The following MBD5 variants were observed in gnomAD, a reference collection of about 807,000 sequenced individuals.
The protein encoded by MBD5 is methyl-CpG binding domain protein 5, also known as methyl-CpG-binding domain protein 5.
Under a neutral mutation model 117.3 loss-of-function variants are expected in MBD5, and 13 were observed. The ratio of observed to expected loss-of-function variants is 0.11; its 90% CI spans 0.07 to 0.18. The LOEUF (loss-of-function observed/expected upper bound fraction) is 0.18, where lower values mean the gene tolerates loss of function less well. Among genes scored for constraint, MBD5 ranks in the 10% least tolerant of loss-of-function variants. MBD5 has a pLI of 1.00. For synonymous variants in MBD5, 727 were observed against 766.4 expected (o/e 0.95, Z 0.85); for missense variants, 1,879 against 2,093.8 (o/e 0.90, Z 2.00).
At chr2:148,265,898 C>G (rs1420830165) in intron 3 of MBD5, among the ~76,000 whole-genome samples, 1 of 150,946 alleles carries the variant, frequency 6.6e-6, no homozygotes, top group East Asian at 1.9e-4. Context: ...TGTGAGGTGG[C>G]AGGCTGGGGA....
intron 1 of MBD5, among the ~76,000 whole-genome samples, chr2:148,143,626 T>C (rs942772574): frequency 2.6e-5 from 4 of 152,114 alleles, no homozygotes; most frequent in Non-Finnish European, 4.4e-5. Context: ...CAACAGGCCC[T>C]GGTGTGTGAT....
chr2:148,382,843 T>C (rs1704197206), intron 4 of MBD5, among the ~76,000 whole-genome samples: 1 of 151,756 alleles, frequency 6.6e-6, no homozygotes, highest in Non-Finnish European at 1.5e-5. Flanking sequence ...AACAACCTGC[T>C]CCTGAATGAC....
intron 2 of MBD5, among the ~76,000 whole-genome samples, chr2:148,200,809 T>C (rs1558969805): frequency 1.3e-5 from 2 of 152,154 alleles, no homozygotes; most frequent in African/African-American, 4.8e-5. Flanking sequence ...ACTTTAAATG[T>C]AAGAACTTCT....
chr2:148,125,436 T>TA (rs1696866203), intron 1 of MBD5, among the ~76,000 whole-genome samples: 1 of 152,232 alleles, frequency 6.6e-6, no homozygotes, highest in African/African-American at 2.4e-5. Flanking sequence ...GGAATCATGG[T>TA]TAAAATCATA....
chr2:148,041,891 T>C (rs1238289866), intron 1 of MBD5, among the ~76,000 whole-genome samples: 1 of 152,178 alleles, frequency 6.6e-6, no homozygotes, highest in Non-Finnish European at 1.5e-5. Flanking sequence ...AGTCTTAACA[T>C]GGAAATATAC....
intron 1 of MBD5, among the ~76,000 whole-genome samples, chr2:148,100,939 A>T (rs552712573): frequency 6.6e-6 from 1 of 152,166 alleles, no homozygotes; most frequent in African/African-American, 2.4e-5. Context: ...ATTGATTGGC[A>T]TCTTTGTAAA....
intron 4 of MBD5, among the ~76,000 whole-genome samples, chr2:148,384,839 C>T (rs1704293278): frequency 6.6e-6 from 1 of 151,590 alleles, no homozygotes; most frequent in South Asian, 2.1e-4. Flanking sequence ...TTTGACAAAC[C>T]TGAGAAAAAC....
At chr2:148,140,012 T>C (rs977580597) in intron 1 of MBD5, among the ~76,000 whole-genome samples, 2 of 152,238 alleles carry the variant, frequency 1.3e-5, no homozygotes, top group African/African-American at 4.8e-5. Context: ...AACTGAACTT[T>C]CAGTGATACA....
At position 148,281,276 on chromosome 2, in the gene MBD5, T is replaced by C. The variant is rs367651408; in HGVS notation, c.-680+47881T>C. On this transcript the variant is annotated intron_variant, in intron 3 of 13. Coordinates refer to ENST00000642680, the MANE Select transcript of MBD5 (RefSeq NM_001378120.1). ...TTCAGTTTTCATCTCTCTGTATCTC[T>C]GTATCACATTCTCAGTGAATTGCTC... Among the ~76,000 whole-genome samples, 7 of 152,308 alleles carry C rather than the reference T, an allele frequency of 4.6e-5. No individual in the cohort carries two copies. The South Asian group carries it at 1.5e-3, about 32-fold the overall frequency.
chr2:148,356,621 G>A (rs189692968), intron 4 of MBD5, among the ~76,000 whole-genome samples: 270 of 151,990 alleles, frequency 1.8e-3, no homozygotes, highest in Admixed American at 5.0e-3. Context: ...ATTCTTCTTT[G>A]GTTATATTTT....
chr2:148,155,890 C>T (rs532699125), intron 1 of MBD5, among the ~76,000 whole-genome samples: 12 of 152,272 alleles, frequency 7.9e-5, no homozygotes, highest in Admixed American at 2.0e-4. Flanking sequence ...TTTATGAGTG[C>T]GAACTCTCCA....
intron 2 of MBD5, among the ~76,000 whole-genome samples, chr2:148,212,261 C>G (rs967400619): frequency 1.2e-4 from 18 of 152,192 alleles, no homozygotes; most frequent in African/African-American, 4.1e-4. Context: ...CTAGTCCTGG[C>G]AAACAGTAGT....
intron 4 of MBD5, among the ~76,000 whole-genome samples, chr2:148,362,341 TC>T (rs1180203968): frequency 6.6e-6 from 1 of 152,024 alleles, no homozygotes; most frequent in African/African-American, 2.4e-5. Context: ...TAGGCGATTT[TC>T]CCCTCACAGT....
intron 3 of MBD5, among the ~76,000 whole-genome samples, chr2:148,266,195 G>C (rs997821720): frequency 6.6e-6 from 1 of 152,044 alleles, no homozygotes; most frequent in Non-Finnish European, 1.5e-5. Flanking sequence ...TCCTGACCAC[G>C]TAGGCTTTAT....
At chr2:148,201,273 G>C (rs1483320051) in intron 2 of MBD5, among the ~76,000 whole-genome samples, 2 of 152,192 alleles carry the variant, frequency 1.3e-5, no homozygotes, top group Non-Finnish European at 2.9e-5. Flanking sequence ...ACAAGAGTGG[G>C]CTCCACATGG....
At chr2:148,432,136 A>AT (rs1392858525) in intron 4 of MBD5, among the ~76,000 whole-genome samples, 1 of 151,984 alleles carries the variant, frequency 6.6e-6, no homozygotes, top group African/African-American at 2.4e-5. Context: ...GATGTTAAGC[A>AT]TTTTTTCATG....
intron 4 of MBD5, among the ~76,000 whole-genome samples, chr2:148,422,514 G>C (rs2105273462): frequency 6.6e-6 from 1 of 152,256 alleles, no homozygotes; most frequent in African/African-American, 2.4e-5. Context: ...CCAAAAACCA[G>C]AATGCCTCTT....
intron 1 of MBD5, chr2:148,070,896 G>A (rs1207257637): frequency 6.6e-6 from 1 of 151,012 alleles, no homozygotes; most frequent in African/African-American, 2.4e-5. Context: ...CTTGTCACCA[G>A]GCTAGAGTGC....
intron 1 of MBD5, among the ~76,000 whole-genome samples, chr2:148,091,834 A>G (rs540105841): frequency 6.6e-6 from 1 of 152,348 alleles, no homozygotes; most frequent in South Asian, 2.1e-4. Context: ...TAAACTAAAA[A>G]GTTTCTGCAC....
Sources: gnomAD v4.1 joint callset for allele counts (sites outside exome capture counted in the v4.1 genomes callset) on GRCh38, gnomAD v4.1.1 for gene constraint, MANE v1.5 for transcripts, NCBI Gene and HGNC (gene_info 2026-07-23, HGNC 2026-07-21) for gene names.